PDE6B: variants seen among roughly 807,000 people sequenced by gnomAD.
The protein encoded by PDE6B is rod cGMP-specific 3',5'-cyclic phosphodiesterase subunit beta.
PDE6B carries 106 observed loss-of-function variants against 109.0 expected under a neutral mutation model. The ratio of observed to expected loss-of-function variants is 0.97; its 90% CI spans 0.83 to 1.14. PDE6B has a LOEUF of 1.14. PDE6B is among the 50% of genes most tolerant of loss of function. PDE6B has a pLI of 0.00. For synonymous variants in PDE6B, 490 were observed against 471.3 expected (o/e 1.04, Z -0.51); for missense variants, 1,193 against 1,155.6 (o/e 1.03, Z -0.47).
rs150497650 is a variant in PDE6B at position 653,954 on chromosome 4, C to T, written c.814C>T (p.Arg272Trp). 1.2e-5 allele frequency: 19 copies of T among 1,613,714 alleles called. No individual in the cohort carries two copies. The highest frequency in any genetic ancestry group is 3.3e-5 in the Admixed American group (2 of 59,998). Residue 272 changes from arginine to tryptophan, a missense_variant, in exon 4 of 22, where the codon CGG (arginine) becomes TGG (tryptophan). By Grantham distance (101) the Arg-to-Trp change is moderately radical. Coordinates refer to ENST00000496514, the MANE Select transcript of PDE6B (RefSeq NM_000283.4). Reference protein sequence around the residue: ...YTVRAYLNCERYSVGLLDMTK... With the variant: ...YTVRAYLNCEWYSVGLLDMTK... ...GGTGCGGGCCTACCTCAACTGCGAG[C>T]GGTACTCCGTGGGCCTCCTGGACAT...
Position 639,504 on chromosome 4 carries a change from C to T in PDE6B, c.711+3535C>T, listed in dbSNP as rs80154938. On this transcript the variant is annotated intron_variant, in intron 3 of 21. Coordinates refer to ENST00000496514, the MANE Select transcript of PDE6B (RefSeq NM_000283.4). ...TTAAGTTCATGGGCAAATGTCTGAACAGCCTTTTCTAAAGGAAAGGGGGAG... is the reference window on the plus strand; with the variant it reads ...TTAAGTTCATGGGCAAATGTCTGAATAGCCTTTTCTAAAGGAAAGGGGGAG... Among the ~76,000 whole-genome samples, 1,437 of 152,260 alleles carry T rather than the reference C, an allele frequency of 9.4e-3. 34 individuals carry two copies. The highest frequency in any genetic ancestry group is 0.033 in the African/African-American group (1,383 of 41,542).
At chr4:658,222 C>T (rs1237920392) in intron 10 of PDE6B, among the ~76,000 whole-genome samples, 1 of 138,444 alleles carries the variant, frequency 7.2e-6, no homozygotes, top group African/African-American at 2.8e-5. Flanking sequence ...GGGGGCAGGT[C>T]ACCCAGGGGT....
chr4:634,652 T>C, intron 1 of PDE6B, 25 bp from the exon 2 acceptor site: 1 of 1,604,590 alleles, frequency 6.2e-7, no homozygotes, highest in Non-Finnish European at 8.5e-7. Context: ...ACAGCCTCTT[T>C]AGCCTCTTTC....
At chr4:643,056 T>G (rs1430682871) in intron 3 of PDE6B, among the ~76,000 whole-genome samples, 1 of 152,144 alleles carries the variant, frequency 6.6e-6, no homozygotes, top group Non-Finnish European at 1.5e-5. Context: ...ACACCTATAA[T>G]CCCAGCACTT....
At position 645,577 on chromosome 4, in the gene PDE6B, G is replaced by C. The variant is rs1039180724; in HGVS notation, c.712-8275G>C. ...CCCAAAGTGCTGGGATTACAGGCGT[G>C]AGCCACCGCGCCCGGCCAGGCTAGT... On this transcript the variant is annotated intron_variant, in intron 3 of 21. Coordinates refer to ENST00000496514, the MANE Select transcript of PDE6B (RefSeq NM_000283.4). 1.2e-4 allele frequency among the ~76,000 whole-genome samples: 18 copies of C among 151,936 alleles called. No individual in the cohort carries two copies. In the South Asian group the frequency reaches 3.3e-3, roughly 28 times the overall value.
rs970820632 is a variant in PDE6B at position 658,952 on chromosome 4, C to A, written c.1402C>A (p.Pro468Thr). Residue 468 changes from proline to threonine, a missense_variant and splice_region_variant, in exon 11 of 22, where the codon CCA (proline) becomes ACA (threonine). Transcript: ENST00000496514. ...CDRDEIQLILPTRARLGKEPA... is the reference protein window; with the variant it reads ...CDRDEIQLILTTRARLGKEPA... ...GTGACACATCTGTGTCTCTGTGTAG[C>A]CAACCAGAGCGCGCCTGGGGAAGGA... The A allele has an allele frequency of 3.1e-6, 5 of 1,611,606 alleles. No homozygotes were observed. The highest frequency in any genetic ancestry group is 4.2e-6 in the Non-Finnish European group (5 of 1,178,266).
At chr4:655,028 C>G (rs541768308) in intron 6 of PDE6B, 140 bp downstream of exon 6, 1 of 704,830 alleles carries the variant, frequency 1.4e-6, no homozygotes, top group Non-Finnish European at 2.6e-6. Flanking sequence ...ACCTGTGGTG[C>G]TCTGTGTGCC....
Position 658,970 on chromosome 4 carries a change from G to A in PDE6B, c.1420G>A (p.Gly474Arg), listed in dbSNP as rs375032863. Residue 474 changes from glycine (G) to arginine (R), a missense_variant, in exon 11 of 22, where the codon GGG becomes AGG. Coordinates refer to ENST00000496514, the MANE Select transcript of PDE6B (RefSeq NM_000283.4). The stretch of plus-strand genomic sequence containing the variant: ...TGTGTAGCCAACCAGAGCGCGCCTG[G>A]GGAAGGAGCCTGCTGACTGCGATGA... ...QLILPTRARL[G>R]KEPADCDEDE... 196 of 1,613,370 alleles carry A rather than the reference G, an allele frequency of 1.2e-4. No homozygotes were observed. Among genetic ancestry groups the A allele is most frequent in the Non-Finnish European group, 1.4e-4 (165 of 1,179,752 alleles).
In PDE6B at chr4:657,431, C is replaced by T. The variant is rs1177889158; in HGVS notation, c.1338C>T (p.Asp446=). 1 of 1,613,238 alleles carries T rather than the reference C, an allele frequency of 6.2e-7. No individual in the cohort carries two copies. The highest frequency in any genetic ancestry group is 2.2e-5 in the East Asian group (1 of 44,886). The change falls in exon 10 of 22, where the codon GAC becomes GAT. Residue 446 remains aspartate (D), a synonymous_variant. Coordinates refer to ENST00000496514, the MANE Select transcript of PDE6B (RefSeq NM_000283.4). ...TGAACAAGCTGGAGAACCGCAAGGA[C>T]ATCGCACAGGACATGGTCCTTTACC... is the stretch of plus-strand genomic sequence containing the variant. ...DKMNKLENRK[D]IAQDMVLYHV...
In PDE6B at chr4:670,342, A is replaced by C. The variant is rs1234081636; in HGVS notation, c.*235A>C. On this transcript the variant is annotated 3_prime_UTR_variant, in exon 22 of 22. Transcript: ENST00000496514. ...ACTGCAACCTCCACCTCCCAGGTTC[A>C]AGCGATTCTCGTGCCTCAGCCTCCT... is the stretch of plus-strand genomic sequence containing the variant. 2.1e-6 allele frequency: 1 copy of C among 478,718 alleles called. No individual in the cohort carries two copies. Among genetic ancestry groups the C allele is most frequent in the Admixed American group, 3.6e-5 (1 of 27,758 alleles). 29.7% of individuals were successfully genotyped at this position (478,718 alleles called of 1,614,324 possible). A position where few individuals can be genotyped will look rare whatever the true frequency, so the allele number is the denominator to read the frequency against.
intron 12 of PDE6B, chr4:661,710 C>T (rs1476896432): frequency 4.3e-6 from 1 of 233,894 alleles, no homozygotes; most frequent in East Asian, 1.0e-4. Context: ...GCAAGAGAGA[C>T]CAGCATTCTC....
chr4:665,169 C>A lies in PDE6B; in HGVS notation c.2194-86C>A, dbSNP rs1423397104. ...CCCCGGGGGTCTGGGGCGGAGAAGA[C>A]CGAGGCTCGGAGCCTCACGGGGCGG... On this transcript the variant is annotated intron_variant, in intron 18 of 21. Coordinates refer to ENST00000496514, the MANE Select transcript of PDE6B (RefSeq NM_000283.4). The surrounding 1 kb of genome is among the most constrained non-coding windows in gnomAD (Gnocchi z 4.0). The A allele has an allele frequency of 9.7e-7, 1 of 1,033,190 alleles. No individual in the cohort carries two copies. Among genetic ancestry groups the A allele is most frequent in the South Asian group, 1.3e-5 (1 of 74,792 alleles). The allele number at this position is 1,033,190 out of a possible 1,614,324, so 64.0% of individuals were successfully genotyped here.
chr4:649,955 T>C (rs28588872), intron 3 of PDE6B, among the ~76,000 whole-genome samples: 31,994 of 152,142 alleles, frequency 0.21, 4,090 homozygotes, highest in African/African-American at 0.35. Context: ...GTACACGGGG[T>C]GGCCACCGCT....
intron 3 of PDE6B, among the ~76,000 whole-genome samples, chr4:651,097 G>A (rs1343785440): frequency 6.6e-6 from 1 of 151,136 alleles, no homozygotes; most frequent in Non-Finnish European, 1.5e-5. Context: ...TCACAGGCGG[G>A]GCAGGGGCTG....
At chr4:652,621 A>C in intron 3 of PDE6B, 1 of 355,202 alleles carries the variant, frequency 2.8e-6, no homozygotes, top group Non-Finnish European at 3.9e-6. Flanking sequence ...TAAGAATAAG[A>C]ATGTAAAACA....
At position 636,742 on chromosome 4, in the gene PDE6B, G is replaced by A. The variant is rs990757864; in HGVS notation, c.711+773G>A. Among the ~76,000 whole-genome samples, 5 of 152,350 alleles carry A rather than the reference G, an allele frequency of 3.3e-5. No homozygotes were observed. The highest frequency in any genetic ancestry group is 2.1e-4 in the South Asian group (1 of 4,830). On this transcript the variant is annotated intron_variant, in intron 3 of 21. Coordinates refer to ENST00000496514, the MANE Select transcript of PDE6B (RefSeq NM_000283.4). The surrounding 1 kb of genome is among the most constrained non-coding windows in gnomAD (Gnocchi z 4.5). ...GTCACCTGCTGCGAGCCTGCTGAAC[G>A]TGGCGAGAGGCTGAGGTCTTTATCT...
At chr4:639,315 T>C (rs927189111) in intron 3 of PDE6B, among the ~76,000 whole-genome samples, 1 of 148,288 alleles carries the variant, frequency 6.7e-6, no homozygotes, top group Non-Finnish European at 1.5e-5. Context: ...TGGGTAATTA[T>C]TTTTTTTTTA....
At position 665,682 on chromosome 4, in the gene PDE6B, G is replaced by A. The variant is rs1312317524; in HGVS notation, c.2268+353G>A. 6.6e-6 allele frequency among the ~76,000 whole-genome samples: 1 copy of A among 152,110 alleles called. No homozygotes were observed. Among genetic ancestry groups the A allele is most frequent in the African/African-American group, 2.4e-5 (1 of 41,386 alleles). ...GAGGGTGCTGGGGCAGAGAACGCAT[G>A]GGGGGCGTCCCGGGCCCACACAGTG... On this transcript the variant is annotated intron_variant, in intron 19 of 21. Coordinates refer to ENST00000496514, the MANE Select transcript of PDE6B (RefSeq NM_000283.4). The surrounding 1 kb of genome is among the most constrained non-coding windows in gnomAD (Gnocchi z 4.0).
chr4:659,722 AC>A (rs1224838181), intron 11 of PDE6B, among the ~76,000 whole-genome samples: 18 of 147,810 alleles, frequency 1.2e-4, no homozygotes, highest in Non-Finnish European at 2.4e-4. Flanking sequence ...CCGTGTGTGC[AC>A]CCATGTGTGT....
Sources: allele counts gnomAD v4.1 joint callset (sites outside exome capture counted in the v4.1 genomes callset), GRCh38; gene constraint gnomAD v4.1.1; non-coding constraint Gnocchi (gnomAD v3.1); transcripts MANE v1.5; gene names NCBI Gene and HGNC (gene_info 2026-07-23, HGNC 2026-07-21).